ARHGEF37: variants seen among roughly 807,000 people sequenced by gnomAD.
ARHGEF37 encodes the protein Rho guanine nucleotide exchange factor 37.
A neutral mutation model predicts 71.1 loss-of-function variants in ARHGEF37; 55 were observed. The ratio of observed to expected loss-of-function variants is 0.77; its 90% CI spans 0.62 to 0.97. The LOEUF is 0.97. Ranked by LOEUF, ARHGEF37 falls within the 50% of genes least tolerant of loss-of-function variation. The pLI, the probability that ARHGEF37 is intolerant of heterozygous loss-of-function variation, is 0.00. For missense variants in ARHGEF37, 765 were observed against 836.8 expected, an observed-to-expected ratio of 0.91 and a Z score of 1.06; for synonymous variants, 327 against 350.6, an observed-to-expected ratio of 0.93 and a Z score of 0.75.
At chr5:149,628,083 G>A (rs1382934739) in intron 11 of ARHGEF37, among the ~76,000 whole-genome samples, 1 of 152,150 alleles carries the variant, frequency 6.6e-6, no homozygotes, top group Non-Finnish European at 1.5e-5. Context: ...TCATGAAACA[G>A]CACTTCCATG....
intron 5 of ARHGEF37, among the ~76,000 whole-genome samples, chr5:149,617,834 T>C (rs1025345758): frequency 3.3e-5 from 5 of 152,032 alleles, no homozygotes; most frequent in African/African-American, 4.8e-5. Flanking sequence ...CCCAGGCAAA[T>C]CTCTCCTCCA....
At chr5:149,553,815 C>T (rs1333515845) in intron 1 of ARHGEF37, among the ~76,000 whole-genome samples, 3 of 152,188 alleles carry the variant, frequency 2.0e-5, no homozygotes, top group African/African-American at 7.2e-5. Context: ...CATTAAAATG[C>T]TCTTTTATAA....
At chr5:149,561,394 T>G (rs997140753) in intron 1 of ARHGEF37, among the ~76,000 whole-genome samples, 2 of 152,168 alleles carry the variant, frequency 1.3e-5, no homozygotes, top group African/African-American at 2.4e-5. Flanking sequence ...TGAAAAGTCC[T>G]TGCATAGATT....
At chr5:149,590,575 T>A (rs563662377) in intron 1 of ARHGEF37, among the ~76,000 whole-genome samples, 1 of 150,006 alleles carries the variant, frequency 6.7e-6, no homozygotes, top group African/African-American at 2.4e-5. Context: ...CCACCGCGTC[T>A]GGCCTGGCTA....
chr5:149,556,059 T>TTTG (rs1762750787), intron 1 of ARHGEF37, among the ~76,000 whole-genome samples: 1 of 152,134 alleles, frequency 6.6e-6, no homozygotes, highest in Admixed American at 6.6e-5. Context: ...AGTGAAATGA[T>TTTG]AGAGACAAGC....
intron 1 of ARHGEF37, among the ~76,000 whole-genome samples, chr5:149,575,879 T>TC (rs201223368): frequency 4.8e-3 from 679 of 141,632 alleles, no homozygotes; most frequent in Non-Finnish European, 7.8e-3. Flanking sequence ...CCCCCTGCCG[T>TC]CCCCCCCCTC....
chr5:149,630,388 T>C (rs1349393794), intron 12 of ARHGEF37, among the ~76,000 whole-genome samples: 1 of 152,058 alleles, frequency 6.6e-6, no homozygotes, highest in East Asian at 1.9e-4. Flanking sequence ...GCAGGGGGTG[T>C]ACCACAGGGG....
chr5:149,601,982 T>A (rs139795760), intron 3 of ARHGEF37, among the ~76,000 whole-genome samples: 1 of 152,142 alleles, frequency 6.6e-6, no homozygotes, highest in African/African-American at 2.4e-5. Flanking sequence ...TGGAGTTTAT[T>A]CTAACTGTGA....
At chr5:149,591,573 G>T (rs980098915) in intron 1 of ARHGEF37, among the ~76,000 whole-genome samples, 1 of 152,148 alleles carries the variant, frequency 6.6e-6, no homozygotes, top group Non-Finnish European at 1.5e-5. Context: ...AAGCTGCTTT[G>T]TCCTGAGAGT....
chr5:149,554,480 T>C (rs1762727456), intron 1 of ARHGEF37, among the ~76,000 whole-genome samples: 1 of 152,152 alleles, frequency 6.6e-6, no homozygotes, highest in Non-Finnish European at 1.5e-5. Context: ...TAATTTTGTA[T>C]ATAAGGTATG....
intron 1 of ARHGEF37, among the ~76,000 whole-genome samples, chr5:149,595,969 A>G (rs1189984101): frequency 7.0e-6 from 1 of 141,898 alleles, no homozygotes; most frequent in Non-Finnish European, 1.5e-5. Context: ...TTCCTGATCC[A>G]CCATTTCACA....
chr5:149,586,276 T>C (rs1763234801), intron 1 of ARHGEF37, among the ~76,000 whole-genome samples: 2 of 152,360 alleles, frequency 1.3e-5, no homozygotes, highest in South Asian at 4.1e-4. Flanking sequence ...TTTTTGTTTT[T>C]GTTTTTGAGA....
intron 1 of ARHGEF37, among the ~76,000 whole-genome samples, chr5:149,563,115 C>T (rs1435288486): frequency 1.3e-5 from 2 of 152,280 alleles, no homozygotes; most frequent in Middle Eastern, 3.4e-3. Context: ...GTTCCTTGAT[C>T]CAGCTGTCTG....
At chr5:149,611,733 C>A (rs567522808) in intron 4 of ARHGEF37, among the ~76,000 whole-genome samples, 4 of 152,232 alleles carry the variant, frequency 2.6e-5, no homozygotes, top group Non-Finnish European at 4.4e-5. Context: ...ATAGTTATCT[C>A]GGCTAGGCAG....
At chr5:149,621,472 GC>G (rs1282729350) in intron 8 of ARHGEF37, among the ~76,000 whole-genome samples, 1 of 151,846 alleles carries the variant, frequency 6.6e-6, no homozygotes, top group African/African-American at 2.4e-5. Flanking sequence ...CAAGGTCTTT[GC>G]ATAATAATGA....
chr5:149,621,699 C>A lies in ARHGEF37; in HGVS notation c.1006-34C>A, dbSNP rs774897808. 2.5e-6 allele frequency: 4 copies of A among 1,578,736 alleles called. No homozygotes were observed. The Admixed American group carries it at 7.0e-5, about 28-fold the overall frequency. On this transcript the variant is annotated intron_variant, in intron 8 of 12. Coordinates refer to ENST00000333677, the MANE Select transcript of ARHGEF37 (RefSeq NM_001001669.3). ...CACAGCCCCTGCCCTTTGCCACCTC[C>A]TTTCCCGACTCCCACGCTCATGTCT...
At chr5:149,562,604 A>C (rs1762848168) in intron 1 of ARHGEF37, among the ~76,000 whole-genome samples, 1 of 151,784 alleles carries the variant, frequency 6.6e-6, no homozygotes, top group African/African-American at 2.4e-5. Context: ...CGGCTACCAC[A>C]CCCGGCTAAC....
chr5:149,606,031 C>G (rs1256342090), intron 3 of ARHGEF37, among the ~76,000 whole-genome samples: 1 of 152,212 alleles, frequency 6.6e-6, no homozygotes, highest in African/African-American at 2.4e-5. Flanking sequence ...ATTCTTGCCT[C>G]TTTGGACCAC....
chr5:149,623,969 C>T lies in ARHGEF37; in HGVS notation c.1336-43C>T, dbSNP rs747484830. The T allele has an allele frequency of 6.5e-6, 10 of 1,550,018 alleles. No individual in the cohort carries two copies. The East Asian group carries it at 1.6e-4, about 25-fold the overall frequency. ...CAAAGCAAGCCAGGGATCTCATTGT[C>T]CCCTCTTGCCCAGCTCTGTTGACAG... On this transcript the variant is annotated intron_variant, in intron 9 of 12. Coordinates refer to ENST00000333677, the MANE Select transcript of ARHGEF37 (RefSeq NM_001001669.3).
Sources: allele counts gnomAD v4.1 joint callset (sites outside exome capture counted in the v4.1 genomes callset), GRCh38; gene constraint gnomAD v4.1.1; transcripts MANE v1.5; gene names NCBI Gene and HGNC (gene_info 2026-07-23, HGNC 2026-07-21).